Variants in NRG3 observed in about 807,000 individuals in gnomAD.
The protein encoded by NRG3 is neuregulin 3, also known as pro-neuregulin-3, membrane-bound isoform.
Under a neutral mutation model 66.9 loss-of-function variants are expected in NRG3, and 31 were observed. That is an observed-to-expected ratio of 0.46 (90% confidence interval 0.35 to 0.63). The LOEUF (loss-of-function observed/expected upper bound fraction) is 0.63. Ranked by LOEUF, NRG3 falls within the 20% of genes least tolerant of loss-of-function variation. The pLI is 0.00. For missense variants in NRG3, 910 were observed against 878.9 expected (o/e 1.04, Z -0.45); for synonymous variants, 393 against 359.4 (o/e 1.09, Z -1.06).
intron 1 of NRG3, among the ~76,000 whole-genome samples, chr10:82,159,351 T>C (rs935351229): frequency 6.6e-6 from 1 of 151,810 alleles, no homozygotes; most frequent in Non-Finnish European, 1.5e-5. Context: ...CAAATATCTC[T>C]AACTGCTTGC....
rs569407294 is a variant in NRG3, at chr10:81,930,293, G to A, written c.823+54130G>A. Among the ~76,000 whole-genome samples the A allele has an allele frequency of 3.3e-5, 5 of 152,226 alleles. No individual in the cohort carries two copies. The East Asian group carries it at 9.7e-4, about 29-fold the overall frequency. ...AGATGGTCCTCGCTTCATACTCAGAGGCTGCAAATCCCTGAGCTTCCCATG... is the reference window on the plus strand; with the variant it reads ...AGATGGTCCTCGCTTCATACTCAGAAGCTGCAAATCCCTGAGCTTCCCATG... On this transcript the variant is annotated intron_variant, in intron 1 of 8. Coordinates refer to ENST00000372141, the MANE Select transcript of NRG3 (RefSeq NM_001010848.4).
At chr10:81,963,043 G>C (rs533846799) in intron 1 of NRG3, among the ~76,000 whole-genome samples, 3 of 151,242 alleles carry the variant, frequency 2.0e-5, no homozygotes, top group African/African-American at 7.3e-5. Flanking sequence ...CGTTGGGTGA[G>C]TGACAAGTCA....
At chr10:82,395,091 A>G (rs1280219608) in intron 2 of NRG3, among the ~76,000 whole-genome samples, 1 of 152,158 alleles carries the variant, frequency 6.6e-6, no homozygotes, top group Admixed American at 6.6e-5. Flanking sequence ...TTGCTTTCTC[A>G]GTTTCTGTCA....
chr10:82,925,786 A>G (rs1172707879), intron 4 of NRG3, among the ~76,000 whole-genome samples: 1 of 152,084 alleles, frequency 6.6e-6, no homozygotes, highest in East Asian at 1.9e-4. Context: ...TATATCTGCA[A>G]CTCCATGTGT....
rs528536676 is a variant in NRG3 at position 82,572,836 on chromosome 10, G to T, written c.954-165741G>T. ...GCTATGAATAAAGAGAGAACATTTTGCCATGAATTATTCAGTTAACCATGG... is the reference window on the plus strand; with the variant it reads ...GCTATGAATAAAGAGAGAACATTTTTCCATGAATTATTCAGTTAACCATGG... On this transcript the variant is annotated intron_variant, in intron 2 of 8. Transcript: ENST00000372141. Among the ~76,000 whole-genome samples, 13 of 151,822 alleles carry T rather than the reference G, an allele frequency of 8.6e-5. No homozygotes were observed. In the South Asian group the frequency reaches 2.7e-3, roughly 31 times the overall value.
intron 2 of NRG3, among the ~76,000 whole-genome samples, chr10:82,380,776 A>C (rs1173128383): frequency 6.6e-6 from 1 of 152,180 alleles, no homozygotes; most frequent in African/African-American, 2.4e-5. Flanking sequence ...TTGCACATGT[A>C]CCTACACTGT....
intron 3 of NRG3, among the ~76,000 whole-genome samples, chr10:82,833,758 T>G (rs1407014679): frequency 6.6e-6 from 1 of 152,206 alleles, no homozygotes; most frequent in Non-Finnish European, 1.5e-5. Flanking sequence ...TTTGAAGTTT[T>G]TTTCAGAATC....
chr10:82,475,774 G>A (rs530954017), intron 2 of NRG3, among the ~76,000 whole-genome samples: 2 of 152,184 alleles, frequency 1.3e-5, no homozygotes, highest in Non-Finnish European at 2.9e-5. Flanking sequence ...CATGACATTG[G>A]ATCTGGCAAT....
intron 5 of NRG3, among the ~76,000 whole-genome samples, chr10:82,954,932 G>C (rs1042052054): frequency 6.6e-6 from 1 of 151,608 alleles, no homozygotes; most frequent in African/African-American, 2.4e-5. Flanking sequence ...TAGTTTATAT[G>C]CATATACATT....
rs200425205 is a variant in NRG3, at chr10:82,009,324, TA to T, written c.823+133163del. 9.2e-5 allele frequency among the ~76,000 whole-genome samples: 14 copies of T among 152,312 alleles called. No homozygotes were observed. The East Asian group carries it at 2.7e-3, about 29-fold the overall frequency. ...GTTCATCCAGGGGTGGCTTGCTTTG[TA>T]ACCTTTTCCTGAATAGTAGACTAGG... On this transcript the variant is annotated intron_variant, in intron 1 of 8. Transcript: ENST00000372141.
intron 2 of NRG3, among the ~76,000 whole-genome samples, chr10:82,580,757 C>T (rs2046312600): frequency 6.6e-6 from 1 of 151,456 alleles, no homozygotes; most frequent in Non-Finnish European, 1.5e-5. Context: ...TGAGTATTAT[C>T]CAATTGTATG....
chr10:82,980,152 T>G (rs1295498616), intron 8 of NRG3, among the ~76,000 whole-genome samples: 1 of 151,526 alleles, frequency 6.6e-6, no homozygotes, highest in East Asian at 1.9e-4. Context: ...CTATACTGAG[T>G]GCACATGGTG....
intron 4 of NRG3, among the ~76,000 whole-genome samples, chr10:82,883,599 C>A (rs995334314): frequency 6.6e-6 from 1 of 152,116 alleles, no homozygotes; most frequent in Non-Finnish European, 1.5e-5. Context: ...GTTCTCTAAT[C>A]TGCTCCTTCA....
intron 1 of NRG3, among the ~76,000 whole-genome samples, chr10:82,036,609 G>A (rs1249952424): frequency 6.6e-6 from 1 of 152,086 alleles, no homozygotes; most frequent in Non-Finnish European, 1.5e-5. Context: ...GTTGTAGTAA[G>A]TAGCACATAA....
chr10:82,700,350 T>C (rs1019231259), intron 2 of NRG3, among the ~76,000 whole-genome samples: 1 of 152,194 alleles, frequency 6.6e-6, no homozygotes, highest in African/African-American at 2.4e-5. Context: ...AACTGAAATA[T>C]TGCCAAGATT....
At chr10:82,955,729 A>C (rs950785825) in intron 5 of NRG3, among the ~76,000 whole-genome samples, 22 of 151,914 alleles carry the variant, frequency 1.4e-4, no homozygotes, top group Admixed American at 1.2e-3. Flanking sequence ...TTAGATCCCA[A>C]AAAAAGCCTC....
intron 1 of NRG3, among the ~76,000 whole-genome samples, chr10:82,138,986 C>G (rs1285042208): frequency 6.6e-6 from 1 of 152,148 alleles, no homozygotes; most frequent in Non-Finnish European, 1.5e-5. Context: ...TGGCAACACC[C>G]TCAAAGACAT....
At chr10:82,246,030 G>T (rs1203476881) in intron 1 of NRG3, among the ~76,000 whole-genome samples, 4 of 143,288 alleles carry the variant, frequency 2.8e-5, no homozygotes, top group African/African-American at 1.1e-4. Flanking sequence ...AAACACTCGG[G>T]TATTTATTCC....
chr10:82,122,408 G>A (rs2068148821), intron 1 of NRG3, among the ~76,000 whole-genome samples: 1 of 152,134 alleles, frequency 6.6e-6, no homozygotes, highest in African/African-American at 2.4e-5. Flanking sequence ...GCATGACTCG[G>A]ACTGGTATGT....
Sources: gnomAD v4.1 joint callset for allele counts (sites outside exome capture counted in the v4.1 genomes callset) on GRCh38, gnomAD v4.1.1 for gene constraint, MANE v1.5 for transcripts, NCBI Gene and HGNC (gene_info 2026-07-23, HGNC 2026-07-21) for gene names.